The following CTNNA3 variants were observed in gnomAD, a reference collection of about 807,000 sequenced individuals.
CTNNA3 encodes catenin alpha 3.
A neutral mutation model predicts 95.7 loss-of-function variants in CTNNA3; 76 were observed. The observed-to-expected ratio is 0.79, with a 90% CI of 0.66 to 0.96. The LOEUF is 0.96. Ranked by LOEUF, CTNNA3 falls within the 40% of genes least tolerant of loss-of-function variation. CTNNA3 has a pLI of 0.00. For synonymous variants in CTNNA3, 431 were observed against 374.4 expected, an observed-to-expected ratio of 1.15 and a Z score of -1.74; for missense variants, 1,191 against 1,089.8, an observed-to-expected ratio of 1.09 and a Z score of -1.31.
At chr10:67,194,582 C>A (rs1863264221) in intron 6 of CTNNA3, among the ~76,000 whole-genome samples, 1 of 150,928 alleles carries the variant, frequency 6.6e-6, no homozygotes, top group Non-Finnish European at 1.5e-5. Context: ...GAGGAACAGG[C>A]AGAGAACAGA....
At chr10:67,601,335 G>A (rs988162128) in intron 3 of CTNNA3, among the ~76,000 whole-genome samples, 1 of 152,156 alleles carries the variant, frequency 6.6e-6, no homozygotes, top group African/African-American at 2.4e-5. Context: ...CAAATCATCA[G>A]GCGTTAGAGT....
intron 7 of CTNNA3, among the ~76,000 whole-genome samples, chr10:66,957,637 G>A (rs1255002948): frequency 6.6e-6 from 1 of 151,674 alleles, no homozygotes; most frequent in African/African-American, 2.4e-5. Flanking sequence ...CAAAAGGAGT[G>A]ACTCAAGAAA....
chr10:66,437,129 T>A (rs1200305085), intron 11 of CTNNA3, among the ~76,000 whole-genome samples: 1 of 152,162 alleles, frequency 6.6e-6, no homozygotes, highest in African/African-American at 2.4e-5. Flanking sequence ...CATTTTTTCC[T>A]TCATTTCAAC....
In CTNNA3 at chr10:66,766,371, T is replaced by C. The variant is rs745764683; in HGVS notation, c.1174A>G (p.Thr392Ala). 1 of 1,613,714 alleles carries C rather than the reference T, an allele frequency of 6.2e-7. No homozygotes were observed. The highest frequency in any genetic ancestry group is 2.2e-5 in the East Asian group (1 of 44,852). The part of the protein sequence containing the change: ...IDHVSDSFLD[T>A]TVPLLVLIEA... ...ATGAGAACCAAAAGAGGGACTGTCG[T>C]ATCCAGGAAAGAGTCTGACACATGA... Residue 392 changes from threonine to alanine, a missense_variant, in exon 9 of 18, where the codon ACG (threonine) becomes GCG (alanine). Transcript: ENST00000433211.
chr10:66,574,005 T>A (rs1480382001), intron 10 of CTNNA3, among the ~76,000 whole-genome samples: 1 of 152,110 alleles, frequency 6.6e-6, no homozygotes, highest in African/African-American at 2.4e-5. Context: ...TGAAAGTGTG[T>A]TGAGGTTACC....
chr10:66,243,720 T>C (rs1219070239), intron 13 of CTNNA3, among the ~76,000 whole-genome samples: 1 of 152,158 alleles, frequency 6.6e-6, no homozygotes, highest in Non-Finnish European at 1.5e-5. Context: ...TGAGGCTGAG[T>C]CATGATCGTG....
chr10:67,710,752 T>C (rs1211436870), intron 1 of CTNNA3, among the ~76,000 whole-genome samples: 4 of 152,188 alleles, frequency 2.6e-5, no homozygotes, highest in Non-Finnish European at 5.9e-5. Context: ...CTGGTTAAAA[T>C]GCTATTCTAT....
intron 7 of CTNNA3, among the ~76,000 whole-genome samples, chr10:67,126,186 C>A (rs78867492): frequency 0.026 from 3,901 of 152,280 alleles, 162 homozygotes; most frequent in East Asian, 0.14. Context: ...GAATCTCTGA[C>A]ATAGCTTCAG....
intron 15 of CTNNA3, among the ~76,000 whole-genome samples, chr10:66,026,632 T>C (rs1357582098): frequency 6.6e-6 from 1 of 152,138 alleles, no homozygotes; most frequent in Non-Finnish European, 1.5e-5. Flanking sequence ...CTCTTTCACC[T>C]ACAAGGCTGA....
At chr10:66,791,768 C>T (rs1342941773) in intron 7 of CTNNA3, among the ~76,000 whole-genome samples, 2 of 152,100 alleles carry the variant, frequency 1.3e-5, no homozygotes, top group East Asian at 3.9e-4. Context: ...TATAAGAATA[C>T]TGAGGATTTT....
intron 7 of CTNNA3, among the ~76,000 whole-genome samples, chr10:66,992,590 C>G (rs1388578627): frequency 6.6e-6 from 1 of 151,812 alleles, no homozygotes; most frequent in Non-Finnish European, 1.5e-5. Flanking sequence ...ATGTATCAGT[C>G]TTTTCATTTA....
intron 5 of CTNNA3, among the ~76,000 whole-genome samples, chr10:67,361,769 A>C (rs1311635925): frequency 6.6e-6 from 1 of 152,132 alleles, no homozygotes; most frequent in Non-Finnish European, 1.5e-5. Flanking sequence ...AAATATCTAA[A>C]ATCAGAGCAA....
intron 12 of CTNNA3, among the ~76,000 whole-genome samples, chr10:66,326,860 T>C (rs2092260338): frequency 6.6e-6 from 1 of 152,096 alleles, no homozygotes; most frequent in Non-Finnish European, 1.5e-5. Context: ...GTTTACAAAA[T>C]AAAATTCTTT....
chr10:66,820,448 T>A (rs911544392), intron 7 of CTNNA3, among the ~76,000 whole-genome samples: 2 of 151,964 alleles, frequency 1.3e-5, no homozygotes, highest in African/African-American at 4.8e-5. Flanking sequence ...AACTACTGAA[T>A]TATACAATTT....
chr10:66,862,543 G>C (rs1358584799), intron 7 of CTNNA3, among the ~76,000 whole-genome samples: 1 of 152,038 alleles, frequency 6.6e-6, no homozygotes, highest in Non-Finnish European at 1.5e-5. Context: ...GTAGCAAGAA[G>C]GTCATTATCA....
intron 17 of CTNNA3, among the ~76,000 whole-genome samples, chr10:65,963,404 TCTC>T (rs1169411200): frequency 6.6e-6 from 1 of 152,064 alleles, no homozygotes; most frequent in African/African-American, 2.4e-5. Context: ...ATCCTTTCCC[TCTC>T]CTCCTCCTAC....
At chr10:66,709,292 C>T (rs896993809) in intron 9 of CTNNA3, among the ~76,000 whole-genome samples, 4 of 152,116 alleles carry the variant, frequency 2.6e-5, no homozygotes, top group Admixed American at 2.6e-4. Context: ...GAAAATGAAT[C>T]CCATCTTCCA....
At chr10:66,514,055 G>A (rs1254897249) in intron 11 of CTNNA3, among the ~76,000 whole-genome samples, 2 of 152,138 alleles carry the variant, frequency 1.3e-5, no homozygotes, top group African/African-American at 4.8e-5. Context: ...CATTTTTGAT[G>A]GCATTGAAAG....
intron 13 of CTNNA3, among the ~76,000 whole-genome samples, chr10:66,256,263 A>G: frequency 6.6e-6 from 1 of 152,156 alleles, no homozygotes. Flanking sequence ...TAGACCCCCA[A>G]AGCCCTGCAG....
Sources: allele counts gnomAD v4.1 joint callset (sites outside exome capture counted in the v4.1 genomes callset), GRCh38; gene constraint gnomAD v4.1.1; transcripts MANE v1.5; gene names NCBI Gene and HGNC (gene_info 2026-07-23, HGNC 2026-07-21).